The following FGF18 variants were observed in gnomAD, a reference collection of about 807,000 sequenced individuals.
FGF18 encodes the protein fibroblast growth factor 18.
FGF18 carries 5 observed loss-of-function variants against 23.0 expected under a neutral mutation model. The ratio of observed to expected loss-of-function variants is 0.22; its 90% confidence interval spans 0.11 to 0.46. The LOEUF (loss-of-function observed/expected upper bound fraction) is 0.46. FGF18 is among the 20% of genes least tolerant of loss of function. The pLI, the probability that FGF18 is intolerant of heterozygous loss-of-function variation, is 0.99. For synonymous variants in FGF18, 117 were observed against 118.9 expected (o/e 0.98, Z 0.10); for missense variants, 180 against 291.6 (o/e 0.62, Z 2.79).
intron 4 of FGF18, among the ~76,000 whole-genome samples, chr5:171,453,672 G>A (rs145519207): frequency 2.6e-5 from 4 of 152,326 alleles, no homozygotes; most frequent in Admixed American, 2.0e-4. Flanking sequence ...CTGAAGAAGA[G>A]GATGAAATGC....
At chr5:171,426,743 A>G (rs536156861) in intron 2 of FGF18, among the ~76,000 whole-genome samples, 1 of 152,352 alleles carries the variant, frequency 6.6e-6, no homozygotes, top group African/African-American at 2.4e-5. Flanking sequence ...CCGCCTGGGT[A>G]TCAGTGAGGC....
Position 171,419,826 on chromosome 5 carries a change from C to G in FGF18, c.-374C>G, listed in dbSNP as rs1249323720. The stretch of plus-strand genomic sequence containing the variant: ...CGGAGAGCGCAACTCGGCTTCCAGA[C>G]CCGCCGCGCATGCTGTCCCCGGACT... On this transcript the variant is annotated 5_prime_UTR_variant, in exon 1 of 5. Transcript: ENST00000274625. The G allele has an allele frequency of 6.6e-6, 1 of 152,162 alleles. No homozygotes were observed. The highest frequency in any genetic ancestry group is 1.9e-4 in the East Asian group (1 of 5,208). The allele number at this position is 152,162 out of a possible 1,614,324, so 9.4% of individuals were successfully genotyped here.
In FGF18 at chr5:171,436,596, C is replaced by CTG; in HGVS notation, c.250+323_250+324insTG. The stretch of plus-strand genomic sequence containing the variant: ...GTGGCTGTTCCCATGCCACCACTCA[C>CTG]CAGCCCCAGGTTCAGCCACTTCAAG... On this transcript the variant is annotated intron_variant, in intron 3 of 4. Transcript: ENST00000274625. The surrounding 1 kb of genome is among the most constrained non-coding windows in gnomAD (Gnocchi z 4.4). Among the ~76,000 whole-genome samples the CTG allele has an allele frequency of 6.6e-6, 1 of 152,228 alleles. No homozygotes were observed. Among genetic ancestry groups the CTG allele is most frequent in the Non-Finnish European group, 1.5e-5 (1 of 68,040 alleles).
chr5:171,429,849 AC>A (rs1772150376), intron 2 of FGF18, among the ~76,000 whole-genome samples: 1 of 152,134 alleles, frequency 6.6e-6, no homozygotes, highest in Non-Finnish European at 1.5e-5. Context: ...CAACCTCCTT[AC>A]CCCCAAACTA....
chr5:171,426,105 G>A (rs1170625595), intron 2 of FGF18, among the ~76,000 whole-genome samples: 1 of 152,178 alleles, frequency 6.6e-6, no homozygotes, highest in Non-Finnish European at 1.5e-5. Flanking sequence ...GCTTCTGCAT[G>A]TGTACAATGG....
chr5:171,448,727 G>A (rs1436323143), intron 3 of FGF18, among the ~76,000 whole-genome samples: 5 of 152,088 alleles, frequency 3.3e-5, no homozygotes, highest in Non-Finnish European at 7.4e-5. Flanking sequence ...CGTCTGTCCT[G>A]CTTTGGGAAA....
intron 3 of FGF18, among the ~76,000 whole-genome samples, chr5:171,446,794 G>T (rs1002062312): frequency 2.0e-5 from 3 of 152,080 alleles, no homozygotes; most frequent in African/African-American, 7.2e-5. Context: ...AGGTCACATA[G>T]CCTAGGACGG....
chr5:171,445,305 T>G (rs1276080836), intron 3 of FGF18, among the ~76,000 whole-genome samples: 1 of 151,998 alleles, frequency 6.6e-6, no homozygotes, highest in Non-Finnish European at 1.5e-5. Flanking sequence ...TCTATGTGGG[T>G]TGGGGATCCC....
In FGF18 at chr5:171,456,518, C is replaced by T; in HGVS notation, c.358-21C>T. The T allele has an allele frequency of 6.2e-7, 1 of 1,604,078 alleles. No homozygotes were observed. Among genetic ancestry groups the T allele is most frequent in the South Asian group, 1.1e-5 (1 of 90,264 alleles). ...AACTGAGTCATTTTTTTCTTGAACA[C>T]TCCCCCTCTCTCCCCTGCAGCCCGA... On this transcript the variant is annotated intron_variant, in intron 4 of 4. Transcript: ENST00000274625. This position sits in a 1 kb window ranked among gnomAD's most constrained non-coding sequence, Gnocchi z 6.1.
At chr5:171,445,378 A>ATGTTTT (rs1772403609) in intron 3 of FGF18, among the ~76,000 whole-genome samples, 1 of 152,158 alleles carries the variant, frequency 6.6e-6, no homozygotes, top group Non-Finnish European at 1.5e-5. Flanking sequence ...GTATGTTTTG[A>ATGTTTT]GATGGAGTCT....
rs563284362 is a variant in FGF18 at position 171,430,644 on chromosome 5, C to T, written c.70-5449C>T. Among the ~76,000 whole-genome samples, 244 of 146,320 alleles carry T rather than the reference C, an allele frequency of 1.7e-3. 10 individuals are homozygous for T. The highest frequency in any genetic ancestry group is 5.7e-3 in the African/African-American group (217 of 38,098). ...TCTACTAAAAATACAAAAAATTAGC[C>T]GGGCGCGGTGGCGGGCGCCTGTAGT... On this transcript the variant is annotated intron_variant, in intron 2 of 4. Coordinates refer to ENST00000274625, the MANE Select transcript of FGF18 (RefSeq NM_003862.3).
chr5:171,435,915 C>A (rs907023886), intron 2 of FGF18, among the ~76,000 whole-genome samples, 178 bp from the exon 3 acceptor site: 12 of 152,198 alleles, frequency 7.9e-5, no homozygotes, highest in Non-Finnish European at 1.5e-4. Context: ...CCTCTCAGAG[C>A]CCCGGTTGCC....
intron 3 of FGF18, among the ~76,000 whole-genome samples, chr5:171,441,030 T>C (rs1013408200): frequency 2.0e-5 from 3 of 152,218 alleles, no homozygotes; most frequent in Non-Finnish European, 2.9e-5. Flanking sequence ...GCATAAAATA[T>C]GTACAGGGCA....
intron 2 of FGF18, among the ~76,000 whole-genome samples, chr5:171,435,276 G>A (rs1336859261): frequency 1.3e-5 from 2 of 152,190 alleles, no homozygotes; most frequent in East Asian, 3.9e-4. Flanking sequence ...GGGTTTGGTA[G>A]AAGAGAGACT....
Position 171,440,531 on chromosome 5 carries a change from G to A in FGF18, c.250+4258G>A, listed in dbSNP as rs1772326247. 6.6e-6 allele frequency among the ~76,000 whole-genome samples: 1 copy of A among 152,094 alleles called. No homozygotes were observed. Among genetic ancestry groups the A allele is most frequent in the South Asian group, 2.1e-4 (1 of 4,816 alleles). ...AGGGGGCTACTGTGGTGAGTGACAT[G>A]CCTCGTCCCAGCCATCAAAGAGCCT... On this transcript the variant is annotated intron_variant, in intron 3 of 4. Transcript: ENST00000274625. The surrounding 1 kb of genome is among the most constrained non-coding windows in gnomAD (Gnocchi z 4.0).
At chr5:171,424,774 A>G (rs1772065946) in intron 2 of FGF18, among the ~76,000 whole-genome samples, 1 of 140,908 alleles carries the variant, frequency 7.1e-6, no homozygotes, top group South Asian at 2.3e-4. Context: ...AGGGTCCCAG[A>G]GTTAGAGGGG....
At chr5:171,428,976 C>T (rs1772138730) in intron 2 of FGF18, among the ~76,000 whole-genome samples, 1 of 152,218 alleles carries the variant, frequency 6.6e-6, no homozygotes, top group African/African-American at 2.4e-5. Flanking sequence ...CTGCTGATGG[C>T]TCAACCCTGC....
chr5:171,453,032 T>C (rs1772537936), intron 4 of FGF18, among the ~76,000 whole-genome samples: 1 of 152,112 alleles, frequency 6.6e-6, no homozygotes, highest in African/African-American at 2.4e-5. Flanking sequence ...AGGAAAGAGA[T>C]CAAATTCTGC....
At chr5:171,432,668 G>A (rs191027021) in intron 2 of FGF18, among the ~76,000 whole-genome samples, 9 of 152,252 alleles carry the variant, frequency 5.9e-5, no homozygotes, top group Non-Finnish European at 7.4e-5. Flanking sequence ...GGCCTCAAGC[G>A]ATCCGCCCAC....
Sources: gnomAD v4.1 joint callset for allele counts (sites outside exome capture counted in the v4.1 genomes callset) on GRCh38, gnomAD v4.1.1 for gene constraint, Gnocchi (gnomAD v3.1) non-coding constraint, MANE v1.5 for transcripts, NCBI Gene and HGNC (gene_info 2026-07-23, HGNC 2026-07-21) for gene names.